The following LRRC4C variants were observed in gnomAD, a reference collection of about 807,000 sequenced individuals.
The protein encoded by LRRC4C is leucine rich repeat containing 4C.
Under a neutral mutation model 33.6 loss-of-function variants are expected in LRRC4C, and 5 were observed. The ratio of observed to expected loss-of-function variants is 0.15; its 90% CI spans 0.08 to 0.31. The LOEUF (loss-of-function observed/expected upper bound fraction) is 0.31. LRRC4C is among the 10% of genes least tolerant of loss of function. LRRC4C has a pLI of 1.00. For synonymous variants in LRRC4C, 329 were observed against 302.0 expected (o/e 1.09, Z -0.93); for missense variants, 560 against 796.7 (o/e 0.70, Z 3.58).
At chr11:40,232,580 A>AT (rs1414503011) in intron 5 of LRRC4C, among the ~76,000 whole-genome samples, 3 of 152,186 alleles carry the variant, frequency 2.0e-5, no homozygotes, top group Non-Finnish European at 2.9e-5. Context: ...AATAACATTT[A>AT]TTTTTTTATT....
chr11:40,549,875 A>G (rs1021820936), intron 3 of LRRC4C, among the ~76,000 whole-genome samples: 4 of 152,138 alleles, frequency 2.6e-5, no homozygotes, highest in Non-Finnish European at 5.9e-5. Flanking sequence ...TAGGTGACAC[A>G]TGGATGCTAA....
chr11:40,270,804 T>C (rs1004189978), intron 4 of LRRC4C, among the ~76,000 whole-genome samples: 3 of 152,162 alleles, frequency 2.0e-5, no homozygotes, highest in Non-Finnish European at 4.4e-5. Context: ...ACAGCATCTA[T>C]AGCTGCAACT....
chr11:40,248,507 T>C (rs1866518342), intron 4 of LRRC4C, among the ~76,000 whole-genome samples: 2 of 152,134 alleles, frequency 1.3e-5, no homozygotes, highest in Non-Finnish European at 2.9e-5. Context: ...AAGGAGGAAG[T>C]ATCGTTTGAG....
intron 2 of LRRC4C, among the ~76,000 whole-genome samples, chr11:40,797,067 A>T (rs530592966): frequency 3.2e-4 from 49 of 152,332 alleles, no homozygotes; most frequent in African/African-American, 1.1e-3. Context: ...GTATTTCTAG[A>T]TTATTTTTAG....
chr11:40,197,318 C>T lies in LRRC4C; in HGVS notation c.-96+44201G>A, dbSNP rs549660903. 6.6e-5 allele frequency among the ~76,000 whole-genome samples: 10 copies of T among 152,144 alleles called. No homozygotes were observed. The South Asian group carries it at 8.3e-4, about 13-fold the overall frequency. Reference sequence around the variant, plus strand: ...CATGGGAGTTTATAATTAATCAGACCGGCACTCACCTATCATATCAATTCA... The same window carrying T: ...CATGGGAGTTTATAATTAATCAGACTGGCACTCACCTATCATATCAATTCA... On this transcript the variant is annotated intron_variant, in intron 5 of 6. Transcript: ENST00000528697.
intron 2 of LRRC4C, among the ~76,000 whole-genome samples, chr11:40,727,776 C>T (rs537428418): frequency 1.3e-4 from 20 of 151,946 alleles, no homozygotes; most frequent in Admixed American, 2.6e-4. Context: ...AGGCTGGGTG[C>T]GATGACTCAC....
intron 3 of LRRC4C, among the ~76,000 whole-genome samples, chr11:40,565,172 T>C (rs987267872): frequency 6.6e-6 from 1 of 152,184 alleles, no homozygotes; most frequent in African/African-American, 2.4e-5. Flanking sequence ...CAATGTTTCC[T>C]CTCAGGAGGA....
chr11:40,964,767 T>G (rs1379920135), intron 1 of LRRC4C, among the ~76,000 whole-genome samples: 1 of 151,844 alleles, frequency 6.6e-6, no homozygotes, highest in Non-Finnish European at 1.5e-5. Flanking sequence ...ATCCAGTCTA[T>G]CATTGTTGGA....
chr11:40,390,932 A>G (rs1237916631), intron 3 of LRRC4C, among the ~76,000 whole-genome samples: 1 of 151,642 alleles, frequency 6.6e-6, no homozygotes, highest in Non-Finnish European at 1.5e-5. Flanking sequence ...CCCAGGCTGG[A>G]GTGCAATGGT....
chr11:40,942,936 A>G (rs1054723281), intron 1 of LRRC4C, among the ~76,000 whole-genome samples: 1 of 152,176 alleles, frequency 6.6e-6, no homozygotes, highest in East Asian at 1.9e-4. Flanking sequence ...GCAATTACTC[A>G]ACTACTTATT....
chr11:40,782,861 CAT>C (rs1007690177), intron 2 of LRRC4C, among the ~76,000 whole-genome samples: 2 of 151,986 alleles, frequency 1.3e-5, no homozygotes, highest in African/African-American at 2.4e-5. Flanking sequence ...GATGTACACA[CAT>C]GTGTATACAT....
intron 1 of LRRC4C, among the ~76,000 whole-genome samples, chr11:41,034,488 T>C (rs375024203): frequency 7.6e-4 from 111 of 145,980 alleles, no homozygotes; most frequent in African/African-American, 2.4e-3. Context: ...TATATATATA[T>C]ACACATATAT....
chr11:40,359,482 T>C (rs1475572681), intron 3 of LRRC4C, among the ~76,000 whole-genome samples: 1 of 152,226 alleles, frequency 6.6e-6, no homozygotes, highest in Non-Finnish European at 1.5e-5. Flanking sequence ...TGCTCATCAA[T>C]TAAGCGCATC....
intron 3 of LRRC4C, among the ~76,000 whole-genome samples, chr11:40,541,875 TC>T (rs1346487651): frequency 1.3e-5 from 2 of 152,082 alleles, no homozygotes; most frequent in Admixed American, 1.3e-4. Flanking sequence ...TTCTCTGACA[TC>T]ACTTCCCTCC....
At chr11:41,102,490 T>A (rs1466555730) in intron 1 of LRRC4C, among the ~76,000 whole-genome samples, 1 of 152,020 alleles carries the variant, frequency 6.6e-6, no homozygotes, top group Non-Finnish European at 1.5e-5. Context: ...GTATATTCTC[T>A]CCAATAAAAA....
chr11:40,832,642 T>C (rs1404106641), intron 2 of LRRC4C, among the ~76,000 whole-genome samples: 1 of 152,108 alleles, frequency 6.6e-6, no homozygotes, highest in Non-Finnish European at 1.5e-5. Context: ...AGTACTTGTG[T>C]CTCTCTACCA....
intron 1 of LRRC4C, among the ~76,000 whole-genome samples, chr11:41,166,334 C>T (rs1443632264): frequency 6.6e-6 from 1 of 152,150 alleles, no homozygotes; most frequent in Non-Finnish European, 1.5e-5. Context: ...TTCTTCAGTA[C>T]AAGCAAATGC....
At chr11:41,045,899 T>G (rs1297825776) in intron 1 of LRRC4C, among the ~76,000 whole-genome samples, 1 of 152,154 alleles carries the variant, frequency 6.6e-6, no homozygotes, top group East Asian at 1.9e-4. Context: ...CTTATGTATT[T>G]GTGGCCATTG....
At chr11:40,734,551 G>C (rs771650930) in intron 2 of LRRC4C, among the ~76,000 whole-genome samples, 3 of 152,038 alleles carry the variant, frequency 2.0e-5, no homozygotes, top group Non-Finnish European at 4.4e-5. Context: ...GGTTAAAAAC[G>C]GATCCCTCCA....
Sources: gnomAD v4.1 joint callset for allele counts (sites outside exome capture counted in the v4.1 genomes callset) on GRCh38, gnomAD v4.1.1 for gene constraint, MANE v1.5 for transcripts, NCBI Gene and HGNC (gene_info 2026-07-23, HGNC 2026-07-21) for gene names.